The following ADGRA3 variants were observed in gnomAD, a reference collection of about 807,000 sequenced individuals.
The protein encoded by ADGRA3 is adhesion G protein-coupled receptor A3, also known as G-protein coupled receptor 125.
In ADGRA3, 56 loss-of-function variants were observed where a neutral mutation model predicts 119.8. The ratio of observed to expected loss-of-function variants is 0.47; its 90% confidence interval spans 0.38 to 0.58. ADGRA3 has a LOEUF of 0.58. ADGRA3 is among the 20% of genes least tolerant of loss of function. ADGRA3 has a pLI of 0.00. For missense variants in ADGRA3, 1,516 were observed against 1,649.0 expected, an observed-to-expected ratio of 0.92 and a Z score of 1.40; for synonymous variants, 607 against 623.8, an observed-to-expected ratio of 0.97 and a Z score of 0.40.
chr4:22,454,005 C>A (rs1214202205), intron 4 of ADGRA3, among the ~76,000 whole-genome samples: 1 of 152,056 alleles, frequency 6.6e-6, no homozygotes, highest in Non-Finnish European at 1.5e-5. Flanking sequence ...GGACTACAGG[C>A]ATGTGCCACC....
chr4:22,444,794 G>C (rs1716767043), intron 6 of ADGRA3, among the ~76,000 whole-genome samples, 179 bp downstream of exon 6: 2 of 152,114 alleles, frequency 1.3e-5, no homozygotes, highest in South Asian at 4.2e-4. Context: ...AAAAAAAAAG[G>C]TCATTTAATC....
chr4:22,389,218 A>G, intron 17 of ADGRA3, 35 bp from the exon 18 acceptor site: 1 of 1,370,032 alleles, frequency 7.3e-7, no homozygotes, highest in Non-Finnish European at 1.0e-6. Context: ...ACCACTCATC[A>G]TTCCATTTCT....
intron 1 of ADGRA3, among the ~76,000 whole-genome samples, chr4:22,504,472 CTGCTGT>C (rs1719167015): frequency 6.6e-6 from 1 of 152,142 alleles, no homozygotes. Flanking sequence ...CAGATGCTTG[CTGCTGT>C]TAGCCCTCTC....
intron 2 of ADGRA3, among the ~76,000 whole-genome samples, chr4:22,471,134 C>G (rs372933181): frequency 6.6e-6 from 1 of 152,122 alleles, no homozygotes; most frequent in Non-Finnish European, 1.5e-5. Context: ...CAGGGAGCAC[C>G]GAGTGTCTCC....
chr4:22,415,753 G>T (rs1715400696), intron 12 of ADGRA3, among the ~76,000 whole-genome samples: 1 of 151,738 alleles, frequency 6.6e-6, no homozygotes, highest in South Asian at 2.1e-4. Context: ...TTTTTTAAAA[G>T]AAAGTTAAAA....
At position 22,421,011 on chromosome 4, in the gene ADGRA3, T is replaced by C. The variant is rs759064703; in HGVS notation, c.1684A>G (p.Lys562Glu). The C allele has an allele frequency of 6.2e-7, 1 of 1,614,138 alleles. No individual in the cohort carries two copies. The highest frequency in any genetic ancestry group is 8.5e-7 in the Non-Finnish European group (1 of 1,179,988). ...FTGMTCTVFQ[K>E]VAASDRTGLS... ...CCTGTACGATCAGAGGCTGCCACTTTCTGGAACACGGTACAGGTCATCCCC... is the reference window on the plus strand; with the variant it reads ...CCTGTACGATCAGAGGCTGCCACTTCCTGGAACACGGTACAGGTCATCCCC... The change falls in exon 12 of 19, where the codon AAA becomes GAA. Residue 562 changes from lysine (K) to glutamate (E), a missense_variant. Coordinates refer to ENST00000334304, the MANE Select transcript of ADGRA3 (RefSeq NM_145290.4).
At chr4:22,499,123 G>A (rs971235231) in intron 1 of ADGRA3, among the ~76,000 whole-genome samples, 1 of 152,194 alleles carries the variant, frequency 6.6e-6, no homozygotes, top group South Asian at 2.1e-4. Flanking sequence ...CCCCTTCCCC[G>A]AACAAGTAAA....
chr4:22,478,570 T>A (rs1454025419), intron 1 of ADGRA3, among the ~76,000 whole-genome samples: 3 of 152,166 alleles, frequency 2.0e-5, no homozygotes, highest in Non-Finnish European at 4.4e-5. Flanking sequence ...TGTGGCAGGT[T>A]GAATGGCTGA....
chr4:22,455,778 GAGATAAC>G, intron 3 of ADGRA3: 1 of 1,274,018 alleles, frequency 7.8e-7, no homozygotes, highest in Non-Finnish European at 1.0e-6. Flanking sequence ...TTTATGTTGG[GAGATAAC>G]CACTGACAAT....
chr4:22,439,221 T>C (rs1308260171), intron 7 of ADGRA3, among the ~76,000 whole-genome samples: 1 of 152,186 alleles, frequency 6.6e-6, no homozygotes, highest in African/African-American at 2.4e-5. Flanking sequence ...ACCAGTTACC[T>C]CCCTAAAAAG....
At chr4:22,464,720 C>T (rs1196342881) in intron 2 of ADGRA3, among the ~76,000 whole-genome samples, 1 of 152,140 alleles carries the variant, frequency 6.6e-6, no homozygotes, top group Non-Finnish European at 1.5e-5. Context: ...GCATGAATGG[C>T]CATAGGAAGA....
At chr4:22,512,813 T>C (rs550911415) in intron 1 of ADGRA3, among the ~76,000 whole-genome samples, 1 of 152,278 alleles carries the variant, frequency 6.6e-6, no homozygotes, top group South Asian at 2.1e-4. Context: ...ATTTGTTGTT[T>C]CAAGCCACCA....
chr4:22,409,983 ATTAT>A (rs1715126378), intron 14 of ADGRA3, among the ~76,000 whole-genome samples: 1 of 152,190 alleles, frequency 6.6e-6, no homozygotes, highest in African/African-American at 2.4e-5. Context: ...TTATTTTAAA[ATTAT>A]TTAAACAAAA....
At chr4:22,500,979 C>T (rs921355821) in intron 1 of ADGRA3, among the ~76,000 whole-genome samples, 9 of 152,100 alleles carry the variant, frequency 5.9e-5, no homozygotes, top group Non-Finnish European at 1.0e-4. Flanking sequence ...CCTAGACATC[C>T]GGCCTTAAGT....
chr4:22,491,923 C>G (rs111835892), intron 1 of ADGRA3, among the ~76,000 whole-genome samples: 1 of 152,194 alleles, frequency 6.6e-6, no homozygotes, highest in African/African-American at 2.4e-5. Flanking sequence ...GGGGGAATAA[C>G]ATTTGACTTA....
At chr4:22,471,693 G>C (rs1314191646) in intron 2 of ADGRA3, among the ~76,000 whole-genome samples, 2 of 151,882 alleles carry the variant, frequency 1.3e-5, no homozygotes, top group African/African-American at 4.8e-5. Context: ...CAGGTCCCAG[G>C]GTCAACACTC....
Position 22,443,017 on chromosome 4 carries a change from T to C in ADGRA3, c.707-154A>G, listed in dbSNP as rs186059208. Reference sequence around the variant, plus strand: ...CTGCTAGTATCAACCAGGCTGCTACTGAGTTTAGTGATAACAGATTAAAAC... The same window carrying C: ...CTGCTAGTATCAACCAGGCTGCTACCGAGTTTAGTGATAACAGATTAAAAC... On this transcript the variant is annotated intron_variant, in intron 6 of 18. Coordinates refer to ENST00000334304, the MANE Select transcript of ADGRA3 (RefSeq NM_145290.4). 1.3e-5 allele frequency: 9 copies of C among 688,090 alleles called. No individual in the cohort carries two copies. In the Admixed American group the frequency reaches 1.7e-4, roughly 13 times the overall value. 42.6% of individuals were successfully genotyped at this position (688,090 alleles called of 1,614,324 possible).
At chr4:22,449,563 T>A (rs28386903) in intron 4 of ADGRA3, among the ~76,000 whole-genome samples, 334 of 152,112 alleles carry the variant, frequency 2.2e-3, no homozygotes, top group African/African-American at 7.8e-3. Flanking sequence ...CTTCAAAGAA[T>A]TGGGCCAGGT....
chr4:22,461,887 C>CAA, intron 2 of ADGRA3, 79 bp from the exon 3 acceptor site: 2 of 796,200 alleles, frequency 2.5e-6, no homozygotes, highest in South Asian at 2.0e-5. Flanking sequence ...ACCTGCTATA[C>CAA]AAAAAAAACA....
Sources: allele counts gnomAD v4.1 joint callset (sites outside exome capture counted in the v4.1 genomes callset), GRCh38; gene constraint gnomAD v4.1.1; transcripts MANE v1.5; gene names NCBI Gene and HGNC (gene_info 2026-07-23, HGNC 2026-07-21).